Variants in GNAI3 observed in about 807,000 individuals in gnomAD.
GNAI3 encodes the protein G protein subunit alpha i3.
Under a neutral mutation model 41.8 loss-of-function variants are expected in GNAI3, and 12 were observed. The ratio of observed to expected loss-of-function variants is 0.29; its 90% CI spans 0.18 to 0.47. GNAI3 has a LOEUF of 0.47. GNAI3 is among the 20% of genes least tolerant of loss of function. The pLI, the probability that GNAI3 is intolerant of heterozygous loss-of-function variation, is 1.00. For synonymous variants in GNAI3, 132 were observed against 146.5 expected (o/e 0.90, Z 0.71); for missense variants, 360 against 429.6 (o/e 0.84, Z 1.43).
At chr1:109,576,549 A>G (rs2101102882) in intron 3 of GNAI3, among the ~76,000 whole-genome samples, 1 of 140,948 alleles carries the variant, frequency 7.1e-6, no homozygotes, top group African/African-American at 2.6e-5. Flanking sequence ...ACAGAGTTTC[A>G]CTCTTGTTGC....
rs1383790011 is a variant in GNAI3, at chr1:109,598,224, C to T, written c.*5902C>T. The T allele has an allele frequency of 6.6e-6, 1 of 152,164 alleles. No individual in the cohort carries two copies. The highest frequency in any genetic ancestry group is 1.5e-5 in the Non-Finnish European group (1 of 68,018). 9.4% of individuals were successfully genotyped at this position (152,164 alleles called of 1,614,324 possible). ...TAAGAGAGATTTCCAGTAGATACAA[C>T]AAAACACAAGAAATCACCTGTTCTG... On this transcript the variant is annotated 3_prime_UTR_variant, in exon 9 of 9. Coordinates refer to ENST00000369851, the MANE Select transcript of GNAI3 (RefSeq NM_006496.4).
chr1:109,553,548 C>T (rs561435503), intron 1 of GNAI3, among the ~76,000 whole-genome samples: 4 of 152,258 alleles, frequency 2.6e-5, no homozygotes, highest in South Asian at 4.2e-4. Flanking sequence ...ATTATATCCT[C>T]CTATGGGATT....
At chr1:109,582,174 T>A (rs1315843432) in intron 4 of GNAI3, among the ~76,000 whole-genome samples, 1 of 152,050 alleles carries the variant, frequency 6.6e-6, no homozygotes, top group Admixed American at 6.6e-5. Context: ...AAATATTTTG[T>A]AAAGACGGGT....
At chr1:109,579,131 A>G (rs1648826869) in intron 3 of GNAI3, 73 bp from the exon 4 acceptor site, 1 of 1,249,294 alleles carries the variant, frequency 8.0e-7, no homozygotes, top group African/African-American at 1.5e-5. Flanking sequence ...ATGTGTCTAT[A>G]TTTTAAAGAG....
intron 3 of GNAI3, among the ~76,000 whole-genome samples, 165 bp downstream of exon 3, chr1:109,574,202 G>A (rs1283964862): frequency 6.6e-6 from 1 of 152,114 alleles, no homozygotes; most frequent in Non-Finnish European, 1.5e-5. Context: ...TACTTTAGCA[G>A]GTGTTAGATA....
intron 3 of GNAI3, among the ~76,000 whole-genome samples, chr1:109,578,501 TAAAG>T (rs1249344617): frequency 8.6e-5 from 12 of 139,258 alleles, no homozygotes; most frequent in East Asian, 2.1e-4. Flanking sequence ...AGAAAAGAAA[TAAAG>T]AAAACCATGG....
rs576197854 is a variant in GNAI3, at chr1:109,597,621, T to C, written c.*5299T>C. 2.6e-5 allele frequency: 4 copies of C among 151,850 alleles called. No homozygotes were observed. The highest frequency in any genetic ancestry group is 3.9e-4 in the East Asian group (2 of 5,176). 9.4% of individuals were successfully genotyped at this position (151,850 alleles called of 1,614,324 possible). Reference sequence around the variant, plus strand: ...CCACCAAGAAAATTATTGAAAACTGTTGGGTCACATAACATTCCTACACTT... The same window carrying C: ...CCACCAAGAAAATTATTGAAAACTGCTGGGTCACATAACATTCCTACACTT... On this transcript the variant is annotated 3_prime_UTR_variant, in exon 9 of 9. Coordinates refer to ENST00000369851, the MANE Select transcript of GNAI3 (RefSeq NM_006496.4).
At chr1:109,590,328 T>C (rs929685559) in intron 7 of GNAI3, among the ~76,000 whole-genome samples, 1 of 152,204 alleles carries the variant, frequency 6.6e-6, no homozygotes, top group Non-Finnish European at 1.5e-5. Context: ...GCCTTTAATA[T>C]CATTTCCATT....
chr1:109,597,158 A>G lies in GNAI3; in HGVS notation c.*4836A>G, dbSNP rs1649327115. 6.6e-6 allele frequency: 1 copy of G among 152,098 alleles called. No homozygotes were observed. The highest frequency in any genetic ancestry group is 1.5e-5 in the Non-Finnish European group (1 of 68,016). 9.4% of individuals were successfully genotyped at this position (152,098 alleles called of 1,614,324 possible). ...TGGATTTTCAGATTTGAAATGCTCA[A>G]TCTATATTAAAGATCAACACAGGCT... is the stretch of plus-strand genomic sequence containing the variant. On this transcript the variant is annotated 3_prime_UTR_variant, in exon 9 of 9. Transcript: ENST00000369851.
Position 109,598,059 on chromosome 1 carries a change from A to C in GNAI3, c.*5737A>C, listed in dbSNP as rs1281437308. ...TATCTCAGTGTACCAGCATTCACTA[A>C]GCTATAAAATCTGTGACAGCAGGAA... On this transcript the variant is annotated 3_prime_UTR_variant, in exon 9 of 9. Coordinates refer to ENST00000369851, the MANE Select transcript of GNAI3 (RefSeq NM_006496.4). The C allele has an allele frequency of 6.6e-6, 1 of 152,242 alleles. No individual in the cohort carries two copies. Among genetic ancestry groups the C allele is most frequent in the African/African-American group, 2.4e-5 (1 of 41,470 alleles). 9.4% of individuals were successfully genotyped at this position (152,242 alleles called of 1,614,324 possible).
Position 109,596,292 on chromosome 1 carries a change from GAGTT to G in GNAI3, c.*3975_*3978del, listed in dbSNP as rs1649309141. The G allele has an allele frequency of 6.6e-6, 1 of 152,160 alleles. No homozygotes were observed. The highest frequency in any genetic ancestry group is 1.5e-5 in the Non-Finnish European group (1 of 68,040). 9.4% of individuals were successfully genotyped at this position (152,160 alleles called of 1,614,324 possible). A position where few individuals can be genotyped will look rare whatever the true frequency, so the allele number is the denominator to read the frequency against. Reference sequence around the variant, plus strand: ...TCCCCCCAGTTTTCTCAACATTTATGAGTTAGTTCTGCTGAGAACAACATACTTC... The same window carrying G: ...TCCCCCCAGTTTTCTCAACATTTATGAGTTCTGCTGAGAACAACATACTTC... On this transcript the variant is annotated 3_prime_UTR_variant, in exon 9 of 9. Transcript: ENST00000369851.
chr1:109,573,827 A>G, intron 2 of GNAI3, 48 bp downstream of exon 2: 1 of 1,590,496 alleles, frequency 6.3e-7, no homozygotes, highest in Non-Finnish European at 8.6e-7. Context: ...CTCCTAATGC[A>G]TATAAAGTCC....
chr1:109,552,535 A>G (rs981754577), intron 1 of GNAI3, among the ~76,000 whole-genome samples: 6 of 152,100 alleles, frequency 3.9e-5, no homozygotes, highest in Admixed American at 6.6e-5. Flanking sequence ...CAGCCTCCCA[A>G]AGTGCTGGGA....
intron 1 of GNAI3, among the ~76,000 whole-genome samples, chr1:109,556,374 G>A (rs1271574847): frequency 6.6e-6 from 1 of 151,946 alleles, no homozygotes; most frequent in Admixed American, 6.6e-5. Flanking sequence ...TCTGTAACCA[G>A]GAAAAAACAA....
rs1649264158 is a variant in GNAI3, at chr1:109,595,224, A to T, written c.*2902A>T. ...AGCCATTAGTCTCTGTGTAAAGAAGAAGTATTCTTAATGGACAGTCCCCCC... is the reference window on the plus strand; with the variant it reads ...AGCCATTAGTCTCTGTGTAAAGAAGTAGTATTCTTAATGGACAGTCCCCCC... On this transcript the variant is annotated 3_prime_UTR_variant, in exon 9 of 9. Coordinates refer to ENST00000369851, the MANE Select transcript of GNAI3 (RefSeq NM_006496.4). 1 of 152,192 alleles carries T rather than the reference A, an allele frequency of 6.6e-6. No homozygotes were observed. The highest frequency in any genetic ancestry group is 2.1e-4 in the South Asian group (1 of 4,830). 9.4% of individuals were successfully genotyped at this position (152,192 alleles called of 1,614,324 possible).
chr1:109,582,622 T>G, intron 5 of GNAI3, 57 bp downstream of exon 5: 2 of 1,265,384 alleles, frequency 1.6e-6, no homozygotes, highest in Non-Finnish European at 2.3e-6. Context: ...TCATTTTAGT[T>G]TACCATCTCT....
intron 1 of GNAI3, among the ~76,000 whole-genome samples, chr1:109,561,145 T>A (rs1360986018): frequency 6.6e-6 from 1 of 152,210 alleles, no homozygotes; most frequent in Non-Finnish European, 1.5e-5. Context: ...CTTCTTCTGC[T>A]TCTAAGAAGA....
intron 4 of GNAI3, among the ~76,000 whole-genome samples, chr1:109,581,415 C>T (rs563360754): frequency 6.6e-5 from 10 of 152,150 alleles, no homozygotes; most frequent in African/African-American, 2.4e-4. Context: ...TGGTTAAACA[C>T]GCATGACCTA....
intron 7 of GNAI3, among the ~76,000 whole-genome samples, chr1:109,587,450 T>C (rs1184452248): frequency 6.6e-6 from 1 of 152,178 alleles, no homozygotes; most frequent in Non-Finnish European, 1.5e-5. Flanking sequence ...TTACTTCTGA[T>C]GGGGTCACTG....
Sources: gnomAD v4.1 joint callset for allele counts (sites outside exome capture counted in the v4.1 genomes callset) on GRCh38, gnomAD v4.1.1 for gene constraint, MANE v1.5 for transcripts, NCBI Gene and HGNC (gene_info 2026-07-23, HGNC 2026-07-21) for gene names.